SLC2A13: variants seen among roughly 807,000 people sequenced by gnomAD.
SLC2A13 encodes proton myo-inositol cotransporter.
SLC2A13 carries 32 observed loss-of-function variants against 64.4 expected under a neutral mutation model. That is an observed-to-expected ratio of 0.50 (90% confidence interval 0.37 to 0.67). The LOEUF (loss-of-function observed/expected upper bound fraction) is 0.67, where lower values mean the gene tolerates loss of function less well. Ranked by LOEUF, SLC2A13 falls within the 30% of genes least tolerant of loss-of-function variation. SLC2A13 has a pLI of 0.00. For synonymous variants in SLC2A13, 338 were observed against 327.1 expected, an observed-to-expected ratio of 1.03 and a Z score of -0.36; for missense variants, 743 against 829.2, an observed-to-expected ratio of 0.90 and a Z score of 1.28.
At chr12:40,079,134 G>A (rs531788238) in intron 1 of SLC2A13, among the ~76,000 whole-genome samples, 3 of 152,174 alleles carry the variant, frequency 2.0e-5, no homozygotes, top group African/African-American at 7.2e-5. Context: ...GTTCAGTTCA[G>A]CTCAGATTTT....
chr12:39,977,708 T>C (rs1565572174), intron 3 of SLC2A13, among the ~76,000 whole-genome samples: 1 of 152,228 alleles, frequency 6.6e-6, no homozygotes, highest in Non-Finnish European at 1.5e-5. Flanking sequence ...AAATCTTCAC[T>C]CTCTGCTAAT....
chr12:39,941,665 TA>T (rs1160616812), intron 4 of SLC2A13, among the ~76,000 whole-genome samples: 3 of 152,194 alleles, frequency 2.0e-5, no homozygotes, highest in African/African-American at 7.2e-5. Flanking sequence ...TTCTGGATAT[TA>T]GTCCTTTGTC....
At position 39,764,778 on chromosome 12, in the gene SLC2A13, G is replaced by A. The variant is rs1163298497; in HGVS notation, c.1526C>T (p.Ala509Val). Reference protein sequence around the residue: ...NFCPTPYSWTALLGLILYLVF... With the variant: ...NFCPTPYSWTVLLGLILYLVF... ...AAGATATAAAATAAGGCCCAGAAGT[G>A]CAGTCCAGGAGTATGGAGTAGGGCA... The change falls in exon 8 of 10, where the codon GCA becomes GTA. Residue 509 changes from alanine (A) to valine (V), a missense_variant. Physicochemically the swap from Ala to Val is moderately conservative, Grantham distance 64. Around this residue, in one of 2 missense-constraint regions of SLC2A13, gnomAD observed 295 missense variants for 381.7 expected, o/e 0.77. Transcript: ENST00000280871. The A allele has an allele frequency of 1.2e-6, 2 of 1,612,188 alleles. No homozygotes were observed. Among genetic ancestry groups the A allele is most frequent in the South Asian group, 1.1e-5 (1 of 90,958 alleles).
At chr12:39,995,115 T>C (rs1247122753) in intron 3 of SLC2A13, among the ~76,000 whole-genome samples, 1 of 152,174 alleles carries the variant, frequency 6.6e-6, no homozygotes, top group Non-Finnish European at 1.5e-5. Flanking sequence ...ACTATAAAAA[T>C]AATACACGTT....
chr12:40,048,989 CTGTG>C (rs1948210051), intron 1 of SLC2A13, among the ~76,000 whole-genome samples: 1 of 152,126 alleles, frequency 6.6e-6, no homozygotes, highest in South Asian at 2.1e-4. Flanking sequence ...TTGACACTTA[CTGTG>C]TATTTAAAAA....
chr12:40,019,213 T>G (rs977027136), intron 3 of SLC2A13, among the ~76,000 whole-genome samples: 6 of 152,234 alleles, frequency 3.9e-5, no homozygotes, highest in Non-Finnish European at 5.9e-5. Flanking sequence ...TGGAAGCAAC[T>G]GAACTATTTT....
At chr12:39,997,807 G>C (rs1267760133) in intron 3 of SLC2A13, among the ~76,000 whole-genome samples, 3 of 152,042 alleles carry the variant, frequency 2.0e-5, no homozygotes, top group Admixed American at 1.3e-4. Flanking sequence ...CTCCAGCCTG[G>C]GTGACAGAGC....
intron 3 of SLC2A13, among the ~76,000 whole-genome samples, chr12:39,988,980 C>T (rs190280434): frequency 6.6e-6 from 1 of 152,282 alleles, no homozygotes; most frequent in African/African-American, 2.4e-5. Context: ...CCAACAGCCT[C>T]CAATTTAAGG....
At chr12:40,023,586 T>A (rs145545736) in intron 3 of SLC2A13, among the ~76,000 whole-genome samples, 81 of 152,360 alleles carry the variant, frequency 5.3e-4, no homozygotes, top group African/African-American at 1.9e-3. Context: ...TTCTGTTGGT[T>A]GATTTTACTT....
chr12:39,858,552 C>A (rs779058021), intron 6 of SLC2A13, among the ~76,000 whole-genome samples: 6 of 152,114 alleles, frequency 3.9e-5, no homozygotes, highest in Non-Finnish European at 8.8e-5. Flanking sequence ...CACACTATTA[C>A]CAGGATGTCA....
intron 3 of SLC2A13, among the ~76,000 whole-genome samples, chr12:39,968,758 T>G (rs1244298886): frequency 1.2e-5 from 1 of 81,350 alleles, no homozygotes; most frequent in African/African-American, 4.8e-5. Context: ...TGTTTTTTTT[T>G]GGTATATATA....
intron 7 of SLC2A13, among the ~76,000 whole-genome samples, chr12:39,785,913 C>T (rs915542674): frequency 3.3e-5 from 5 of 152,226 alleles, no homozygotes; most frequent in African/African-American, 1.2e-4. Flanking sequence ...CTGAATTTAC[C>T]CAATACCTGT....
At chr12:40,047,927 C>T in intron 2 of SLC2A13, 124 bp downstream of exon 2, 2 of 883,536 alleles carry the variant, frequency 2.3e-6, no homozygotes, top group East Asian at 5.4e-5. Context: ...TGAATGTCAC[C>T]TACTTATAAA....
At chr12:39,880,350 T>A (rs947600422) in intron 4 of SLC2A13, among the ~76,000 whole-genome samples, 2 of 152,228 alleles carry the variant, frequency 1.3e-5, no homozygotes, top group Non-Finnish European at 2.9e-5. Context: ...GAACTATTTT[T>A]AAAAAATTAA....
chr12:39,907,031 A>C (rs1945304362), intron 4 of SLC2A13, among the ~76,000 whole-genome samples: 1 of 152,170 alleles, frequency 6.6e-6, no homozygotes, highest in African/African-American at 2.4e-5. Flanking sequence ...TAGAAGATAC[A>C]ATGCAAATTA....
chr12:40,062,145 CAA>C (rs969651041), intron 1 of SLC2A13, among the ~76,000 whole-genome samples: 2 of 151,912 alleles, frequency 1.3e-5, no homozygotes, highest in African/African-American at 4.8e-5. Context: ...TTATTACATA[CAA>C]AAGTCAATTG....
chr12:39,845,352 C>T (rs1186236257), intron 6 of SLC2A13, among the ~76,000 whole-genome samples: 1 of 152,006 alleles, frequency 6.6e-6, no homozygotes, highest in African/African-American at 2.4e-5. Flanking sequence ...CAAGAAAGAA[C>T]CTTGGTAACC....
At chr12:40,033,853 A>G (rs1947939477) in intron 2 of SLC2A13, among the ~76,000 whole-genome samples, 1 of 152,224 alleles carries the variant, frequency 6.6e-6, no homozygotes, top group Non-Finnish European at 1.5e-5. Flanking sequence ...GATGAATATG[A>G]TAGATCGAAA....
At position 39,783,365 on chromosome 12, in the gene SLC2A13, T is replaced by C. The variant is rs556733136; in HGVS notation, c.1446-18507A>G. ...TGTGTCTTTATAGCAGCATGATTTA[T>C]AATTCTTTGGGTATATACCCAGCAA... On this transcript the variant is annotated intron_variant, in intron 7 of 9. Coordinates refer to ENST00000280871, the MANE Select transcript of SLC2A13 (RefSeq NM_052885.4). Among the ~76,000 whole-genome samples, 119 of 152,346 alleles carry C rather than the reference T, an allele frequency of 7.8e-4. 2 individuals are homozygous for C. The highest frequency in any genetic ancestry group is 3.0e-3 in the Admixed American group (46 of 15,306).
Sources: allele counts gnomAD v4.1 joint callset (sites outside exome capture counted in the v4.1 genomes callset), GRCh38; gene constraint gnomAD v4.1.1; regional missense constraint gnomAD v4.1.1; transcripts MANE v1.5; gene names NCBI Gene and HGNC (gene_info 2026-07-23, HGNC 2026-07-21).